BMPR1A: variants seen among roughly 807,000 people sequenced by gnomAD.
The protein encoded by BMPR1A is bone morphogenetic protein receptor type-1A.
A neutral mutation model predicts 66.0 loss-of-function variants in BMPR1A; 7 were observed. The observed-to-expected ratio is 0.11, with a 90% CI of 0.06 to 0.20. BMPR1A has a LOEUF of 0.20. BMPR1A is among the 10% of genes least tolerant of loss of function. BMPR1A has a pLI of 1.00. For missense variants in BMPR1A, 408 were observed against 669.1 expected, an observed-to-expected ratio of 0.61 and a Z score of 4.31; for synonymous variants, 200 against 229.7, an observed-to-expected ratio of 0.87 and a Z score of 1.17.
chr10:86,863,839 A>T (rs531166516), intron 2 of BMPR1A, among the ~76,000 whole-genome samples: 1 of 152,274 alleles, frequency 6.6e-6, no homozygotes, highest in Admixed American at 6.5e-5. Flanking sequence ...TGTACCCTGA[A>T]TTAAAAAAAA....
At chr10:86,764,714 G>T (rs926453276) in intron 1 of BMPR1A, among the ~76,000 whole-genome samples, 9 of 152,136 alleles carry the variant, frequency 5.9e-5, no homozygotes, top group African/African-American at 2.2e-4. Context: ...TCAGGTTTGG[G>T]TTCAGAATCC....
At chr10:86,767,589 G>T (rs1041106806) in intron 1 of BMPR1A, among the ~76,000 whole-genome samples, 1 of 152,114 alleles carries the variant, frequency 6.6e-6, no homozygotes, top group African/African-American at 2.4e-5. Context: ...GAGGTGGGGG[G>T]ATCGCTTGAG....
At position 86,921,690 on chromosome 10, in the gene BMPR1A, C is replaced by A; in HGVS notation, c.1337C>A (p.Thr446Lys). 1 of 1,614,230 alleles carries A rather than the reference C, an allele frequency of 6.2e-7. No individual in the cohort carries two copies. Among genetic ancestry groups the A allele is most frequent in the Non-Finnish European group, 8.5e-7 (1 of 1,180,030 alleles). ...IIWEMARRCITGGIVEEYQLP... is the reference protein window; with the variant it reads ...IIWEMARRCIKGGIVEEYQLP... ...TGGGAGATGGCTCGTCGTTGTATCACAGGAGGTGGGAGTTTGAGTAGTTTC... is the reference window on the plus strand; with the variant it reads ...TGGGAGATGGCTCGTCGTTGTATCAAAGGAGGTGGGAGTTTGAGTAGTTTC... The change falls in exon 11 of 13, where the codon ACA becomes AAA. Residue 446 changes from threonine to lysine, a missense_variant. Thr to Lys is a moderately conservative substitution (Grantham distance 78, BLOSUM62 -1). Coordinates refer to ENST00000372037, the MANE Select transcript of BMPR1A (RefSeq NM_004329.3).
chr10:86,785,942 T>C (rs2132737486), intron 1 of BMPR1A, among the ~76,000 whole-genome samples: 1 of 152,330 alleles, frequency 6.6e-6, no homozygotes, highest in Non-Finnish European at 1.5e-5. Flanking sequence ...TCTCCCAGTG[T>C]GACCTAAATG....
chr10:86,808,526 C>T (rs769499036), intron 1 of BMPR1A, among the ~76,000 whole-genome samples: 4 of 152,026 alleles, frequency 2.6e-5, no homozygotes, highest in African/African-American at 4.8e-5. Context: ...GTCAATTCAC[C>T]GAAAGAGTTA....
chr10:86,835,736 T>G (rs1221269977), intron 1 of BMPR1A, among the ~76,000 whole-genome samples: 1 of 152,102 alleles, frequency 6.6e-6, no homozygotes, highest in East Asian at 1.9e-4. Context: ...GTCCTTGGAT[T>G]CTGCATGGGT....
chr10:86,758,631 GTTGTTAA>G (rs1847919726), intron 1 of BMPR1A, among the ~76,000 whole-genome samples: 1 of 152,142 alleles, frequency 6.6e-6, no homozygotes, highest in African/African-American at 2.4e-5. Flanking sequence ...GTAACACATG[GTTGTTAA>G]TTGCGAACTA....
chr10:86,760,191 T>G (rs1286508765), intron 1 of BMPR1A, among the ~76,000 whole-genome samples: 10 of 144,118 alleles, frequency 6.9e-5, no homozygotes, highest in East Asian at 2.0e-4. Flanking sequence ...TTTACCTGTT[T>G]TTTTTTTTTT....
At chr10:86,763,581 G>A (rs1841109494) in intron 1 of BMPR1A, among the ~76,000 whole-genome samples, 1 of 152,078 alleles carries the variant, frequency 6.6e-6, no homozygotes, top group Non-Finnish European at 1.5e-5. Context: ...CTGACTTTTG[G>A]CTGAAGAATC....
intron 5 of BMPR1A, among the ~76,000 whole-genome samples, chr10:86,899,586 T>G (rs1843275929): frequency 6.6e-6 from 1 of 152,200 alleles, no homozygotes; most frequent in African/African-American, 2.4e-5. Context: ...TAACACACCA[T>G]CCACATAGAT....
At chr10:86,855,550 G>C (rs928242701) in intron 2 of BMPR1A, 1 of 472,950 alleles carries the variant, frequency 2.1e-6, no homozygotes, top group African/African-American at 2.0e-5. Flanking sequence ...TTTGAAAATA[G>C]TATTTCTATT....
intron 1 of BMPR1A, among the ~76,000 whole-genome samples, chr10:86,804,151 TTAAA>T (rs969136178): frequency 1.3e-5 from 2 of 152,212 alleles, no homozygotes; most frequent in African/African-American, 4.8e-5. Context: ...TATATCATCT[TTAAA>T]TAATAATAAC....
At chr10:86,929,858 T>C (rs1843791549), downstream of BMPR1A, 1 of 152,270 alleles carries the variant, frequency 6.6e-6, no homozygotes, top group African/African-American at 2.4e-5. Context: ...TAATCCTTGT[T>C]CTTCCAAAAT....
intron 1 of BMPR1A, among the ~76,000 whole-genome samples, chr10:86,812,330 T>A (rs1270695615): frequency 6.6e-6 from 1 of 152,192 alleles, no homozygotes; most frequent in African/African-American, 2.4e-5. Flanking sequence ...TCATCCAGGT[T>A]GTTGCATGTG....
Position 86,761,006 on chromosome 10 carries a change from A to G in BMPR1A, c.-268+4087A>G, listed in dbSNP as rs11202166. Reference sequence around the variant, plus strand: ...ACCCCAATTCCGGAGATGCTAAAATATGAAAAATGGATGCATCTTAGAATT... The same window carrying G: ...ACCCCAATTCCGGAGATGCTAAAATGTGAAAAATGGATGCATCTTAGAATT... On this transcript the variant is annotated intron_variant, in intron 1 of 12. Coordinates refer to ENST00000372037, the MANE Select transcript of BMPR1A (RefSeq NM_004329.3). Among the ~76,000 whole-genome samples, 13,116 of 152,258 alleles carry G rather than the reference A, an allele frequency of 0.086. 1,040 individuals carry two copies. The highest frequency in any genetic ancestry group is 0.21 in the African/African-American group (8,610 of 41,504).
At chr10:86,771,889 C>T (rs1420426384) in intron 1 of BMPR1A, among the ~76,000 whole-genome samples, 1 of 152,102 alleles carries the variant, frequency 6.6e-6, no homozygotes, top group Non-Finnish European at 1.5e-5. Flanking sequence ...CTTGACCTCC[C>T]AAAGTGCTGG....
intron 1 of BMPR1A, among the ~76,000 whole-genome samples, chr10:86,786,314 A>G (rs1841517453): frequency 6.6e-6 from 1 of 151,264 alleles, no homozygotes; most frequent in Non-Finnish European, 1.5e-5. Context: ...TCCCACCCCG[A>G]CCCCTTTTTT....
Position 86,842,855 on chromosome 10 carries a change from A to AT in BMPR1A, c.-153+3876_-153+3877insT, listed in dbSNP as rs1245836392. On this transcript the variant is annotated intron_variant, in intron 2 of 12. Transcript: ENST00000372037. ...TTACAAAATCATCAGATCTTGTGAG[A>AT]CGTATTCACTACCAAGAGAACAGTA... Among the ~76,000 whole-genome samples the AT allele has an allele frequency of 1.3e-3, 193 of 152,276 alleles. 2 individuals are homozygous for AT. Among genetic ancestry groups the AT allele is most frequent in the African/African-American group, 4.5e-3 (187 of 41,556 alleles).
At position 86,915,036 on chromosome 10, in the gene BMPR1A, C is replaced by A. The variant is rs536958291; in HGVS notation, c.676-2098C>A. On this transcript the variant is annotated intron_variant, in intron 8 of 12. Transcript: ENST00000372037. The stretch of plus-strand genomic sequence containing the variant: ...AATATTACTCATCAGTAAAAAGGAA[C>A]AACTTCTAACACATGTAGCAGCAAC... Among the ~76,000 whole-genome samples the A allele has an allele frequency of 4.6e-5, 7 of 152,296 alleles. No homozygotes were observed. In the East Asian group the frequency reaches 1.4e-3, roughly 29 times the overall value.
Sources: gnomAD v4.1 joint callset for allele counts (sites outside exome capture counted in the v4.1 genomes callset) on GRCh38, gnomAD v4.1.1 for gene constraint, MANE v1.5 for transcripts, NCBI Gene and HGNC (gene_info 2026-07-23, HGNC 2026-07-21) for gene names.